TSC1: variants seen among roughly 807,000 people sequenced by gnomAD.
TSC1 encodes the protein TSC complex subunit 1, also known as hamartin.
TSC1 carries 20 observed loss-of-function variants against 124.3 expected under a neutral mutation model. The observed-to-expected ratio is 0.16, with a 90% CI of 0.11 to 0.23. The LOEUF is 0.23. Ranked by LOEUF, TSC1 falls within the 10% of genes least tolerant of loss-of-function variation. The pLI, the probability that TSC1 is intolerant of heterozygous loss-of-function variation, is 1.00. For missense variants in TSC1, 1,124 were observed against 1,448.5 expected (o/e 0.78, Z 3.64); for synonymous variants, 493 against 539.1 (o/e 0.91, Z 1.19).
Position 132,897,115 on chromosome 9 carries a change from C to T in TSC1, c.2975+69G>A, listed in dbSNP as rs138047957. ...TCAGCAGTAACTGCTTCCCACACCACGTGACACAGTCCTTATGCTGGAATT... is the reference window on the plus strand; with the variant it reads ...TCAGCAGTAACTGCTTCCCACACCATGTGACACAGTCCTTATGCTGGAATT... On this transcript the variant is annotated intron_variant, in intron 22 of 22. Coordinates refer to ENST00000298552, the MANE Select transcript of TSC1 (RefSeq NM_000368.5). 139 of 1,608,634 alleles carry T rather than the reference C, an allele frequency of 8.6e-5. 1 individual carries two copies. Among genetic ancestry groups the T allele is most frequent in the Admixed American group, 2.2e-4 (13 of 60,022 alleles).
At chr9:132,914,798 G>C (rs1846179645) in intron 8 of TSC1, among the ~76,000 whole-genome samples, 3 of 151,998 alleles carry the variant, frequency 2.0e-5, no homozygotes, top group Admixed American at 2.0e-4. Flanking sequence ...GAACCTGGAA[G>C]GCGGAGGTTG....
At chr9:132,905,448 T>G in intron 15 of TSC1, 133 bp downstream of exon 15, 5 of 1,257,150 alleles carry the variant, frequency 4.0e-6, no homozygotes, top group Non-Finnish European at 5.7e-6. Context: ...TAGAAGGACA[T>G]CTGACAAACA....
In TSC1 at chr9:132,912,274, C is replaced by G. The variant is rs763784439; in HGVS notation, c.913+8G>C. ...GCAAAACAGATAAGTACCAAAGACACTTTTTACCATAGCTATTCTGTGTGT... is the reference window on the plus strand; with the variant it reads ...GCAAAACAGATAAGTACCAAAGACAGTTTTTACCATAGCTATTCTGTGTGT... On this transcript the variant is annotated splice_region_variant and intron_variant, in intron 9 of 22. Coordinates refer to ENST00000298552, the MANE Select transcript of TSC1 (RefSeq NM_000368.5). 4.6e-5 allele frequency: 75 copies of G among 1,613,916 alleles called. No homozygotes were observed. In the South Asian group the frequency reaches 8.1e-4, roughly 17 times the overall value.
intron 1 of TSC1, 65 bp downstream of exon 1, chr9:132,944,478 T>A (rs1847965202): frequency 2.5e-6 from 1 of 396,986 alleles, no homozygotes; most frequent in African/African-American, 2.1e-5. Context: ...CCGGCTGGAG[T>A]CATGGTGCCG....
rs767010768 is a variant in TSC1 at position 132,906,686 on chromosome 9, C to T, written c.1438+45G>A. On this transcript the variant is annotated intron_variant, in intron 14 of 22. Transcript: ENST00000298552. The surrounding 1 kb of genome is among the most constrained non-coding windows in gnomAD (Gnocchi z 4.1). ...ACAAAATCCCAGATTTATAGCAGAG[C>T]GAGGGTCAGGTTTTATCAACTCATA... 10 of 1,512,162 alleles carry T rather than the reference C, an allele frequency of 6.6e-6. No homozygotes were observed. The East Asian group carries it at 1.2e-4, about 18-fold the overall frequency. The allele number at this position is 1,512,162 out of a possible 1,614,324, so 93.7% of individuals were successfully genotyped here. A position where few individuals can be genotyped will look rare whatever the true frequency, so the allele number is the denominator to read the frequency against.
At chr9:132,933,254 TGGG>T (rs1176701948) in intron 2 of TSC1, among the ~76,000 whole-genome samples, 1 of 152,108 alleles carries the variant, frequency 6.6e-6, no homozygotes, top group East Asian at 1.9e-4. Flanking sequence ...TTCGTAGAGA[TGGG>T]GTTTTACCAT....
chr9:132,942,375 G>A (rs1847786040), intron 1 of TSC1: 1 of 152,154 alleles, frequency 6.6e-6, no homozygotes, highest in Admixed American at 6.5e-5. Flanking sequence ...TGTACATCAA[G>A]GTTCTCATGA....
At position 132,894,415 on chromosome 9, in the gene TSC1, G is replaced by C. The variant is rs765079072; in HGVS notation, c.*1820C>G. ...TGTTCACGTTTTCCTTTTCTAAAACGGAACCAGGAAACTAGACTGTATTGG... is the reference window on the plus strand; with the variant it reads ...TGTTCACGTTTTCCTTTTCTAAAACCGAACCAGGAAACTAGACTGTATTGG... On this transcript the variant is annotated 3_prime_UTR_variant, in exon 23 of 23. Coordinates refer to ENST00000298552, the MANE Select transcript of TSC1 (RefSeq NM_000368.5). 4.4e-6 allele frequency: 1 copy of C among 229,040 alleles called. No individual in the cohort carries two copies. The highest frequency in any genetic ancestry group is 8.7e-6 in the Non-Finnish European group (1 of 115,244). The allele number at this position is 229,040 out of a possible 1,614,324, so 14.2% of individuals were successfully genotyped here. A position where few individuals can be genotyped will look rare whatever the true frequency, so the allele number is the denominator to read the frequency against.
chr9:132,917,542 G>A (rs2132079903), intron 8 of TSC1, among the ~76,000 whole-genome samples: 1 of 152,266 alleles, frequency 6.6e-6, no homozygotes, highest in Non-Finnish European at 1.5e-5. Context: ...ATGTTGGCCA[G>A]GCTGGTCTCG....
intron 8 of TSC1, among the ~76,000 whole-genome samples, chr9:132,915,042 C>G (rs1400824340): frequency 6.6e-6 from 1 of 151,976 alleles, no homozygotes; most frequent in Non-Finnish European, 1.5e-5. Context: ...AACAAAATAG[C>G]TGGGCGTGGT....
At chr9:132,916,040 C>T (rs1846257880) in intron 8 of TSC1, among the ~76,000 whole-genome samples, 1 of 152,166 alleles carries the variant, frequency 6.6e-6, no homozygotes, top group African/African-American at 2.4e-5. Flanking sequence ...AAGAGGAATA[C>T]ATTTAAATGT....
In TSC1 at chr9:132,922,995, G is replaced by A. The variant is rs150273303; in HGVS notation, c.508+353C>T. Among the ~76,000 whole-genome samples the A allele has an allele frequency of 4.0e-3, 609 of 152,290 alleles. 1 individual carries two copies. The highest frequency in any genetic ancestry group is 0.011 in the African/African-American group (461 of 41,552). Reference sequence around the variant, plus strand: ...CTGACATTTGCGTTCTGTCACAACAGAGCAGCCAAGGAAGACAGAAATGTC... The same window carrying A: ...CTGACATTTGCGTTCTGTCACAACAAAGCAGCCAAGGAAGACAGAAATGTC... On this transcript the variant is annotated intron_variant, in intron 6 of 22. Transcript: ENST00000298552.
At chr9:132,935,482 C>T (rs777344343) in intron 1 of TSC1, among the ~76,000 whole-genome samples, 1 of 152,224 alleles carries the variant, frequency 6.6e-6, no homozygotes. Flanking sequence ...TAAGTTACCT[C>T]GTCTGTAAAG....
chr9:132,894,940 T>G lies in TSC1; in HGVS notation c.*1295A>C, dbSNP rs2131568783. 1 of 232,012 alleles carries G rather than the reference T, an allele frequency of 4.3e-6. No homozygotes were observed. The highest frequency in any genetic ancestry group is 8.5e-6 in the Non-Finnish European group (1 of 117,274). The allele number at this position is 232,012 out of a possible 1,614,324, so 14.4% of individuals were successfully genotyped here. On this transcript the variant is annotated 3_prime_UTR_variant, in exon 23 of 23. Transcript: ENST00000298552. Reference sequence around the variant, plus strand: ...TTCTTTCAGGAGCACTTGTTGAGTTTGGATTCTCTGCCACTGCCAATTTTC... The same window carrying G: ...TTCTTTCAGGAGCACTTGTTGAGTTGGGATTCTCTGCCACTGCCAATTTTC...
intron 12 of TSC1, among the ~76,000 whole-genome samples, chr9:132,908,969 A>T (rs1845809437): frequency 7.1e-6 from 1 of 141,804 alleles, no homozygotes; most frequent in Admixed American, 7.3e-5. Flanking sequence ...CAGTGGTGTG[A>T]TCTCGACTTA....
intron 8 of TSC1, among the ~76,000 whole-genome samples, chr9:132,920,397 G>C (rs149963572): frequency 6.6e-6 from 1 of 152,206 alleles, no homozygotes; most frequent in South Asian, 2.1e-4. Context: ...GGAGAAAAGA[G>C]GGGTTCTCCA....
chr9:132,910,302 A>AG, intron 12 of TSC1: 12 of 97,690 alleles, frequency 1.2e-4, no homozygotes, highest in Non-Finnish European at 2.6e-4. Flanking sequence ...CCCTGTCTCC[A>AG]AAAAAAAAAA....
In TSC1 at chr9:132,897,263, A is replaced by G. The variant is rs767946427; in HGVS notation, c.2896T>C (p.Tyr966His). 10 of 1,614,102 alleles carry G rather than the reference A, an allele frequency of 6.2e-6. No homozygotes were observed. The Admixed American group carries it at 1.7e-4, about 27-fold the overall frequency. Residue 966 changes from tyrosine to histidine, a missense_variant, in exon 22 of 23, where the codon TAT becomes CAT. By Grantham distance (83) the Tyr-to-His change is moderately conservative. Coordinates refer to ENST00000298552, the MANE Select transcript of TSC1 (RefSeq NM_000368.5). ...QVFELEILDL[Y>H]GRLEKDGLLK... ...AGGCCATCTTTCTCCAACCTGCCAT[A>G]TAAATCTAAGATCTCCAATTCAAAC...
rs555779018 is a variant in TSC1, at chr9:132,927,092, G to A, written c.210+109C>T. The A allele has an allele frequency of 1.8e-4, 190 of 1,029,996 alleles. 1 individual carries two copies. The highest frequency in any genetic ancestry group is 1.1e-3 in the African/African-American group (71 of 63,058). 63.8% of individuals were successfully genotyped at this position (1,029,996 alleles called of 1,614,324 possible). On this transcript the variant is annotated intron_variant, in intron 4 of 22. Coordinates refer to ENST00000298552, the MANE Select transcript of TSC1 (RefSeq NM_000368.5). ...AACTGGGAACAATGTCATCAGTGGC[G>A]CACAGAAATCAAAAGAATAAGCTCA...
Sources: allele counts gnomAD v4.1 joint callset (sites outside exome capture counted in the v4.1 genomes callset), GRCh38; gene constraint gnomAD v4.1.1; non-coding constraint Gnocchi (gnomAD v3.1); transcripts MANE v1.5; gene names NCBI Gene and HGNC (gene_info 2026-07-23, HGNC 2026-07-21).